Variants in RABGAP1 observed in about 807,000 individuals in gnomAD.
RABGAP1 encodes RAB GTPase activating protein 1, also known as rab GTPase-activating protein 1.
Under a neutral mutation model 137.6 loss-of-function variants are expected in RABGAP1, and 23 were observed. That is an observed-to-expected ratio of 0.17 (90% CI 0.12 to 0.24). The LOEUF (loss-of-function observed/expected upper bound fraction) is 0.24. Ranked by LOEUF, RABGAP1 falls within the 10% of genes least tolerant of loss-of-function variation. The pLI is 1.00. For missense variants in RABGAP1, 906 were observed against 1,275.8 expected (o/e 0.71, Z 4.42); for synonymous variants, 451 against 450.7 (o/e 1.00, Z -0.01).
chr9:123,020,665 A>G (rs1424275687), intron 13 of RABGAP1, among the ~76,000 whole-genome samples: 1 of 152,206 alleles, frequency 6.6e-6, no homozygotes, highest in Admixed American at 6.5e-5. Context: ...CTCAGAGACC[A>G]AAGGTGTCTT....
At chr9:123,088,691 A>G (rs1333760001) in intron 19 of RABGAP1, among the ~76,000 whole-genome samples, 5 of 152,020 alleles carry the variant, frequency 3.3e-5, no homozygotes, top group Non-Finnish European at 5.9e-5. Flanking sequence ...CTCAAAGAGG[A>G]AAAAAAAGCC....
intron 14 of RABGAP1, among the ~76,000 whole-genome samples, chr9:123,069,908 G>C (rs2034298917): frequency 6.6e-6 from 1 of 151,994 alleles, no homozygotes; most frequent in Non-Finnish European, 1.5e-5. Flanking sequence ...AATGCAATGT[G>C]GTAATAATAT....
chr9:122,949,089 C>A (rs750723794), intron 1 of RABGAP1, among the ~76,000 whole-genome samples: 1 of 152,134 alleles, frequency 6.6e-6, no homozygotes, highest in African/African-American at 2.4e-5. Flanking sequence ...AGAAAAGAAG[C>A]GTTGGGCTAG....
intron 10 of RABGAP1, among the ~76,000 whole-genome samples, chr9:123,005,676 G>A (rs753117932): frequency 1.3e-5 from 2 of 152,170 alleles, no homozygotes; most frequent in Non-Finnish European, 2.9e-5. Context: ...TGGACACTTG[G>A]ACTGGTTTCC....
intron 19 of RABGAP1, among the ~76,000 whole-genome samples, chr9:123,077,693 T>TGTATTGTATTGTATTG (rs79926856): frequency 5.4e-4 from 81 of 149,208 alleles, no homozygotes; most frequent in South Asian, 8.5e-4. Context: ...TGTATTGTAT[T>TGTATTGTATTGTATTG]TATTTTCTGT....
At chr9:122,976,698 A>G (rs1296250762) in intron 2 of RABGAP1, among the ~76,000 whole-genome samples, 1 of 152,188 alleles carries the variant, frequency 6.6e-6, no homozygotes, top group African/African-American at 2.4e-5. Context: ...AGCTTTGGGG[A>G]TATAAAGATA....
intron 1 of RABGAP1, among the ~76,000 whole-genome samples, chr9:122,950,772 A>C (rs1226871998): frequency 1.3e-5 from 2 of 152,344 alleles, no homozygotes; most frequent in Admixed American, 1.3e-4. Flanking sequence ...TCAAGAGAAA[A>C]GACAGTGCTA....
At chr9:123,004,823 G>A (rs533669434) in intron 10 of RABGAP1, among the ~76,000 whole-genome samples, 6 of 152,134 alleles carry the variant, frequency 3.9e-5, no homozygotes, top group South Asian at 4.1e-4. Flanking sequence ...TTGGGAGGCC[G>A]AGGCAGATGG....
chr9:123,102,122 C>CCT, intron 25 of RABGAP1, among the ~76,000 whole-genome samples: 1 of 152,182 alleles, frequency 6.6e-6, no homozygotes, highest in East Asian at 1.9e-4. Flanking sequence ...GATGAGAGTC[C>CCT]CTATCTGATA....
At chr9:123,099,251 T>C (rs1042078842) in intron 23 of RABGAP1, among the ~76,000 whole-genome samples, 2 of 152,112 alleles carry the variant, frequency 1.3e-5, no homozygotes, top group Non-Finnish European at 2.9e-5. Context: ...CCATTGGCCA[T>C]TGAGTGTGGT....
At chr9:122,952,552 G>A (rs1834311507) in intron 1 of RABGAP1, among the ~76,000 whole-genome samples, 1 of 152,120 alleles carries the variant, frequency 6.6e-6, no homozygotes, top group Non-Finnish European at 1.5e-5. Context: ...ACAGATGTGA[G>A]TCACTGTGCC....
intron 2 of RABGAP1, among the ~76,000 whole-genome samples, chr9:122,969,124 T>A (rs766750520): frequency 1.3e-5 from 2 of 152,228 alleles, no homozygotes; most frequent in Admixed American, 6.5e-5. Flanking sequence ...ATATTTTTAT[T>A]GTACCTTTTC....
the RABGAP1 span, among the ~76,000 whole-genome samples, chr9:122,934,369 C>T: frequency 2.0e-5 from 3 of 152,294 alleles, no homozygotes; most frequent in East Asian, 1.9e-4. Context: ...TGAGCCACCA[C>T]GCCCGGCCTC....
Position 122,978,233 on chromosome 9 carries a change from G to T in RABGAP1, c.151-6252G>T, listed in dbSNP as rs2131717858. ...ATCTGATTTCTGTCCCTATAGTTTTGTCTTTTCCAGAATGCCAGGTAAATG... is the reference window on the plus strand; with the variant it reads ...ATCTGATTTCTGTCCCTATAGTTTTTTCTTTTCCAGAATGCCAGGTAAATG... On this transcript the variant is annotated intron_variant, in intron 2 of 25. Coordinates refer to ENST00000373647, the MANE Select transcript of RABGAP1 (RefSeq NM_012197.4). Among the ~76,000 whole-genome samples the T allele has an allele frequency of 1.3e-5, 2 of 152,128 alleles. 1 individual carries two copies. The highest frequency in any genetic ancestry group is 4.2e-4 in the South Asian group (2 of 4,816).
chr9:123,022,274 G>A (rs761358085), intron 13 of RABGAP1, among the ~76,000 whole-genome samples: 8 of 152,166 alleles, frequency 5.3e-5, no homozygotes, highest in Non-Finnish European at 7.3e-5. Flanking sequence ...AAGTGGTGAC[G>A]TCTGTTGATA....
chr9:122,960,506 A>G (rs1834797314), intron 2 of RABGAP1, among the ~76,000 whole-genome samples: 4 of 152,236 alleles, frequency 2.6e-5, no homozygotes, highest in African/African-American at 9.6e-5. Context: ...TCAACTAGCC[A>G]GTCACCCAAT....
At chr9:122,961,060 G>T (rs999300500) in intron 2 of RABGAP1, among the ~76,000 whole-genome samples, 6 of 152,004 alleles carry the variant, frequency 3.9e-5, no homozygotes, top group Non-Finnish European at 7.4e-5. Flanking sequence ...GCTTGTAATA[G>T]GAGTATCAAA....
chr9:122,940,653 G>A (rs548930883), upstream of RABGAP1, among the ~76,000 whole-genome samples: 1 of 152,280 alleles, frequency 6.6e-6, no homozygotes, highest in African/African-American at 2.4e-5. Context: ...TGAGCAGGGG[G>A]ATTCCTTGCT....
chr9:123,018,258 A>G (rs1432977214), intron 12 of RABGAP1, among the ~76,000 whole-genome samples: 1 of 152,208 alleles, frequency 6.6e-6, no homozygotes, highest in Admixed American at 6.5e-5. Flanking sequence ...TATGACTGTT[A>G]ATGGATAAGA....
Sources: gnomAD v4.1 joint callset for allele counts (sites outside exome capture counted in the v4.1 genomes callset) on GRCh38, gnomAD v4.1.1 for gene constraint, MANE v1.5 for transcripts, NCBI Gene and HGNC (gene_info 2026-07-23, HGNC 2026-07-21) for gene names.